ZNG1B: variants seen among roughly 807,000 people sequenced by gnomAD.
The protein encoded by ZNG1B is zinc-regulated GTPase metalloprotein activator 1B.
At chr2:113,453,221 TTTATC>T in the ZNG1B span, 1 of 1,585,706 alleles carries the variant, frequency 6.3e-7, no homozygotes, top group Admixed American at 1.9e-5. Flanking sequence ...ACAGTTTTCT[TTTATC>T]TTTCTTGTTT....
the ZNG1B span, among the ~76,000 whole-genome samples, chr2:113,474,403 G>A: frequency 1.0e-4 from 15 of 148,958 alleles, 1 homozygote; most frequent in East Asian, 9.8e-4. Flanking sequence ...TCTTGCTAGC[G>A]GTCTATCAAT....
At chr2:113,489,622 C>T in the ZNG1B span, among the ~76,000 whole-genome samples, 1 of 152,234 alleles carries the variant, frequency 6.6e-6, no homozygotes, top group African/African-American at 2.4e-5. Context: ...AAGAGTCTCA[C>T]CTAACACATA....
At chr2:113,439,874 ATTTTTTTTTTTTT>A in the ZNG1B span, among the ~76,000 whole-genome samples, 1 of 68,880 alleles carries the variant, frequency 1.5e-5, no homozygotes, top group African/African-American at 6.0e-5. Flanking sequence ...CCTTCCCTTA[ATTTTTTTTTTTTT>A]TTTTTTTTTT....
the ZNG1B span, among the ~76,000 whole-genome samples, chr2:113,439,643 T>C: frequency 6.6e-6 from 1 of 152,208 alleles, no homozygotes; most frequent in Non-Finnish European, 1.5e-5. Flanking sequence ...ATCTGGATCT[T>C]GCCAACCTTT....
the ZNG1B span, chr2:113,465,686 C>A: frequency 1.1e-6 from 1 of 928,382 alleles, no homozygotes; most frequent in East Asian, 1.2e-4. Context: ...ATTCTGTTTT[C>A]CATTGAATGT....
At chr2:113,463,231 G>C in the ZNG1B span, among the ~76,000 whole-genome samples, 9 of 152,218 alleles carry the variant, frequency 5.9e-5, no homozygotes, top group African/African-American at 2.2e-4. Context: ...CAGGGGCTTT[G>C]TTTTGAATTA....
the ZNG1B span, among the ~76,000 whole-genome samples, chr2:113,448,194 T>C: frequency 6.6e-6 from 1 of 151,968 alleles, no homozygotes; most frequent in African/African-American, 2.4e-5. Flanking sequence ...GAATGGATGT[T>C]GTGTTAGCAG....
the ZNG1B span, among the ~76,000 whole-genome samples, chr2:113,460,393 G>A: frequency 6.6e-6 from 1 of 152,122 alleles, no homozygotes; most frequent in African/African-American, 2.4e-5. Context: ...AATCAAAGGG[G>A]TTTTCCTTTT....
chr2:113,445,235 A>T, the ZNG1B span: 34 of 653,116 alleles, frequency 5.2e-5, no homozygotes, highest in Non-Finnish European at 6.7e-5. Context: ...GAATGAATGA[A>T]CGGAGTATTT....
At chr2:113,449,205 CA>C in the ZNG1B span, among the ~76,000 whole-genome samples, 1 of 151,926 alleles carries the variant, frequency 6.6e-6, no homozygotes, top group African/African-American at 2.4e-5. Flanking sequence ...CTTGTTTGAT[CA>C]TCTATCCAGA....
chr2:113,437,732 G>A, the ZNG1B span: 19 of 1,521,958 alleles, frequency 1.2e-5, no homozygotes, highest in African/African-American at 5.5e-5. Flanking sequence ...GGTAATCCGG[G>A]CGGGATCAGC....
chr2:113,477,533 T>G, the ZNG1B span, among the ~76,000 whole-genome samples: 1 of 152,230 alleles, frequency 6.6e-6, no homozygotes, highest in Non-Finnish European at 1.5e-5. Flanking sequence ...TTGGCCATCT[T>G]GGCTCCTCTC....
At chr2:113,461,524 A>G in the ZNG1B span, among the ~76,000 whole-genome samples, 1 of 152,198 alleles carries the variant, frequency 6.6e-6, no homozygotes, top group African/African-American at 2.4e-5. Context: ...ACTAAAGTGA[A>G]TTCAGTTTTG....
At chr2:113,462,665 C>T in the ZNG1B span, 2 of 735,020 alleles carry the variant, frequency 2.7e-6, no homozygotes, top group South Asian at 1.9e-5. Flanking sequence ...AATGGTAATA[C>T]ATAAAATTAG....
the ZNG1B span, among the ~76,000 whole-genome samples, chr2:113,458,231 A>G: frequency 2.0e-5 from 3 of 152,144 alleles, no homozygotes; most frequent in Admixed American, 2.0e-4. Flanking sequence ...TTATTGGAGA[A>G]TGTTCTTTTG....
chr2:113,450,230 T>A, the ZNG1B span, among the ~76,000 whole-genome samples: 68 of 146,390 alleles, frequency 4.6e-4, no homozygotes, highest in African/African-American at 1.7e-3. Context: ...CCATGAATAC[T>A]TTTTTTTGGT....
the ZNG1B span, among the ~76,000 whole-genome samples, chr2:113,461,626 G>A: frequency 4.0e-5 from 6 of 151,394 alleles, no homozygotes; most frequent in Non-Finnish European, 7.4e-5. Flanking sequence ...CCTGTTAATA[G>A]AAAATAGAGC....
At chr2:113,439,593 A>G in the ZNG1B span, among the ~76,000 whole-genome samples, 1 of 152,310 alleles carries the variant, frequency 6.6e-6, no homozygotes, top group South Asian at 2.1e-4. Flanking sequence ...CTATGGGTTA[A>G]AATCCAAATT....
chr2:113,472,424 A>G, the ZNG1B span, among the ~76,000 whole-genome samples: 444 of 151,330 alleles, frequency 2.9e-3, 5 homozygotes, highest in African/African-American at 0.01. Flanking sequence ...ATTTTCTCCC[A>G]TTTTGTAGGT....
Sources: allele counts gnomAD v4.1 joint callset (sites outside exome capture counted in the v4.1 genomes callset), GRCh38; gene constraint gnomAD v4.1.1; transcripts MANE v1.5; gene names NCBI Gene and HGNC (gene_info 2026-07-23, HGNC 2026-07-21).